Variants in MYO10 observed in about 807,000 individuals in gnomAD.
The protein encoded by MYO10 is unconventional myosin-X.
A neutral mutation model predicts 257.3 loss-of-function variants in MYO10; 133 were observed. The observed-to-expected ratio is 0.52, with a 90% CI of 0.45 to 0.60. The LOEUF is 0.60. MYO10 is among the 20% of genes least tolerant of loss of function. The pLI, the probability that MYO10 is intolerant of heterozygous loss-of-function variation, is 0.00. For missense variants in MYO10, 2,399 were observed against 2,635.7 expected, an observed-to-expected ratio of 0.91 and a Z score of 1.97; for synonymous variants, 1,104 against 1,028.6, an observed-to-expected ratio of 1.07 and a Z score of -1.40.
chr5:16,662,738 G>C lies in MYO10; in HGVS notation c.*3954C>G, dbSNP rs986462049. The C allele has an allele frequency of 2.0e-5, 3 of 152,154 alleles. No individual in the cohort carries two copies. The highest frequency in any genetic ancestry group is 4.4e-5 in the Non-Finnish European group (3 of 68,050). The allele number at this position is 152,154 out of a possible 1,614,324, so 9.4% of individuals were successfully genotyped here. ...ACCTGTCACGGGAGGGACCTGATGG[G>C]AGGTAATTGAATCATGGGGGTGGGT... On this transcript the variant is annotated 3_prime_UTR_variant, in exon 41 of 41. Transcript: ENST00000513610.
At chr5:16,792,132 C>CACACACACACACACACACAGAG (rs755315207) in intron 4 of MYO10, among the ~76,000 whole-genome samples, 1 of 75,286 alleles carries the variant, frequency 1.3e-5, no homozygotes, top group Non-Finnish European at 3.6e-5. Flanking sequence ...CACACACACA[C>CACACACACACACACACACAGAG]AGAGAGAGAG....
chr5:16,794,727 A>T lies in MYO10; in HGVS notation c.386T>A (p.Leu129Gln). ...EQYSRRHLGE[L>Q]PPHIFAIANE... ...GGCGATGGCGAAGATGTGCGGGGGCAGCTCGCCCAGGTGGCGCCGGCTGTA... is the reference window on the plus strand; with the variant it reads ...GGCGATGGCGAAGATGTGCGGGGGCTGCTCGCCCAGGTGGCGCCGGCTGTA... Residue 129 changes from leucine to glutamine, a missense_variant, in exon 4 of 41, where the codon CTG becomes CAG. Physicochemically the swap from Leu to Gln is moderately radical, Grantham distance 113. Transcript: ENST00000513610. The T allele has an allele frequency of 6.2e-7, 1 of 1,613,504 alleles. No individual in the cohort carries two copies. The highest frequency in any genetic ancestry group is 8.5e-7 in the Non-Finnish European group (1 of 1,179,714).
chr5:16,804,486 C>A lies in MYO10; in HGVS notation c.280-9653G>T, dbSNP rs151282300. Among the ~76,000 whole-genome samples, 375 of 152,322 alleles carry A rather than the reference C, an allele frequency of 2.5e-3. 4 individuals carry two copies. Among genetic ancestry groups the A allele is most frequent in the African/African-American group, 8.2e-3 (342 of 41,570 alleles). On this transcript the variant is annotated intron_variant, in intron 3 of 40. Coordinates refer to ENST00000513610, the MANE Select transcript of MYO10 (RefSeq NM_012334.3). ...TGGGTTTTTACTGTTTGTGTCCATG[C>A]ACATGACAAATGGCACTTCTGAACC...
chr5:16,921,899 C>T (rs1377712352), intron 1 of MYO10, among the ~76,000 whole-genome samples: 2 of 151,980 alleles, frequency 1.3e-5, no homozygotes, highest in African/African-American at 4.8e-5. Context: ...CCCACCACTG[C>T]AACAAAGACT....
intron 17 of MYO10, among the ~76,000 whole-genome samples, chr5:16,759,000 C>A (rs1045705523): frequency 1.3e-5 from 2 of 151,980 alleles, no homozygotes; most frequent in African/African-American, 4.8e-5. Flanking sequence ...CGGCTCACTG[C>A]AACCTCTGCC....
chr5:16,771,059 C>T (rs909508352), intron 9 of MYO10, among the ~76,000 whole-genome samples: 13 of 152,080 alleles, frequency 8.5e-5, no homozygotes, highest in African/African-American at 3.1e-4. Context: ...TGAACCACCA[C>T]GCCAGGCCAA....
At chr5:16,928,574 G>A (rs1746202647) in intron 1 of MYO10, among the ~76,000 whole-genome samples, 1 of 152,052 alleles carries the variant, frequency 6.6e-6, no homozygotes. Flanking sequence ...GGCCGGGCAT[G>A]ACGGCTCACA....
At chr5:16,796,544 T>C in intron 3 of MYO10, among the ~76,000 whole-genome samples, 1 of 152,108 alleles carries the variant, frequency 6.6e-6, no homozygotes, top group Non-Finnish European at 1.5e-5. Context: ...CAAAGCTTAA[T>C]GCCTTAGGCC....
intron 40 of MYO10, among the ~76,000 whole-genome samples, chr5:16,667,870 T>C (rs1395585129): frequency 3.9e-5 from 6 of 152,188 alleles, no homozygotes; most frequent in African/African-American, 1.4e-4. Flanking sequence ...AGGATGGTCA[T>C]GCTCCCGGCT....
chr5:16,923,697 CCCT>C lies in MYO10; in HGVS notation c.21+12088_21+12090del, dbSNP rs1561062234. On this transcript the variant is annotated intron_variant, in intron 1 of 40. Transcript: ENST00000513610. ...ACACACACACACACACACACACACTCCCTAACATCCTGGCCACCTAACATGTGA... is the reference window on the plus strand; with the variant it reads ...ACACACACACACACACACACACACTCAACATCCTGGCCACCTAACATGTGA... Among the ~76,000 whole-genome samples, 3 of 148,770 alleles carry C rather than the reference CCCT, an allele frequency of 2.0e-5. No homozygotes were observed. In the East Asian group the frequency reaches 5.8e-4, roughly 29 times the overall value.
chr5:16,866,997 C>T (rs1025469464), intron 2 of MYO10, among the ~76,000 whole-genome samples: 1 of 152,226 alleles, frequency 6.6e-6, no homozygotes, highest in Non-Finnish European at 1.5e-5. Flanking sequence ...CAGTCTCCCT[C>T]GGGCTCCACA....
chr5:16,790,109 C>A (rs762427633), intron 4 of MYO10, among the ~76,000 whole-genome samples: 27 of 151,888 alleles, frequency 1.8e-4, no homozygotes, highest in Non-Finnish European at 5.9e-5. Context: ...AACACTATCA[C>A]CTCTAAATGT....
intron 2 of MYO10, among the ~76,000 whole-genome samples, chr5:16,844,419 T>A (rs1203544430): frequency 2.0e-5 from 3 of 150,360 alleles, no homozygotes; most frequent in African/African-American, 7.6e-5. Flanking sequence ...TTTTCATTTT[T>A]TTTTTAGTGT....
At position 16,887,470 on chromosome 5, in the gene MYO10, A is replaced by C. The variant is rs186774582; in HGVS notation, c.22-9763T>G. Reference sequence around the variant, plus strand: ...CCATAGTTATGGGTTCCAACTTGCCAACTGATTGAGTCCTGAGTTTTATTA... The same window carrying C: ...CCATAGTTATGGGTTCCAACTTGCCCACTGATTGAGTCCTGAGTTTTATTA... On this transcript the variant is annotated intron_variant, in intron 1 of 40. Coordinates refer to ENST00000513610, the MANE Select transcript of MYO10 (RefSeq NM_012334.3). 2.0e-5 allele frequency among the ~76,000 whole-genome samples: 3 copies of C among 152,264 alleles called. No homozygotes were observed. In the East Asian group the frequency reaches 5.8e-4, roughly 29 times the overall value.
At chr5:16,843,184 C>T (rs1328053395) in intron 2 of MYO10, among the ~76,000 whole-genome samples, 1 of 152,174 alleles carries the variant, frequency 6.6e-6, no homozygotes, top group Non-Finnish European at 1.5e-5. Context: ...CACTGACTTC[C>T]ACACGTCATA....
chr5:16,814,006 C>G (rs1033409291), intron 3 of MYO10, among the ~76,000 whole-genome samples: 7 of 152,222 alleles, frequency 4.6e-5, no homozygotes, highest in South Asian at 2.1e-4. Flanking sequence ...CTGCAAGTAA[C>G]TGAATTCAGC....
intron 2 of MYO10, among the ~76,000 whole-genome samples, chr5:16,841,005 C>T (rs253337): frequency 0.15 from 22,084 of 151,576 alleles, 1,735 homozygotes; most frequent in East Asian, 0.27. Context: ...ATTAGCCGGG[C>T]GTGGTGGCAG....
intron 1 of MYO10, among the ~76,000 whole-genome samples, chr5:16,896,617 G>C (rs780979258): frequency 1.1e-4 from 16 of 152,132 alleles, no homozygotes; most frequent in Non-Finnish European, 2.1e-4. Context: ...AAAAAGGAAA[G>C]AAATGGTCTA....
chr5:16,903,386 C>T (rs182515977), intron 1 of MYO10, among the ~76,000 whole-genome samples: 8 of 152,152 alleles, frequency 5.3e-5, no homozygotes, highest in Middle Eastern at 3.4e-3. Context: ...TCCAGCCTGG[C>T]GACAGAGCAA....
Sources: gnomAD v4.1 joint callset for allele counts (sites outside exome capture counted in the v4.1 genomes callset) on GRCh38, gnomAD v4.1.1 for gene constraint, MANE v1.5 for transcripts, NCBI Gene and HGNC (gene_info 2026-07-23, HGNC 2026-07-21) for gene names.